KCP: variants seen among roughly 807,000 people sequenced by gnomAD.
The protein encoded by KCP is kielin cysteine rich BMP regulator.
KCP carries 194 observed loss-of-function variants against 212.7 expected under a neutral mutation model. The observed-to-expected ratio is 0.91, with a 90% CI of 0.81 to 1.03. The LOEUF is 1.03. Among genes scored for constraint, KCP ranks in the 50% least tolerant of loss-of-function variants. The pLI is 0.00. For missense variants in KCP, 2,080 were observed against 2,162.5 expected (o/e 0.96, Z 0.76); for synonymous variants, 833 against 865.3 (o/e 0.96, Z 0.65).
chr7:128,891,059 C>A lies in KCP; in HGVS notation c.2010G>T (p.Ala670=). ...AGTACTCCTGGTGGCGGGCGTGGGC[C>A]GCGCCGGGCCGTGGGCAGCCGGCGG... ...PAPAGCPRPG[A]AHARHQEYFS... Residue 670 remains alanine (A), a synonymous_variant, in exon 20 of 40, where the codon GCG becomes GCT. Transcript: ENST00000610776. 10 of 1,394,320 alleles carry A rather than the reference C, an allele frequency of 7.2e-6. No homozygotes were observed. The highest frequency in any genetic ancestry group is 9.2e-6 in the Non-Finnish European group (10 of 1,081,712). 86.4% of individuals were successfully genotyped at this position (1,394,320 alleles called of 1,614,324 possible).
Position 128,886,881 on chromosome 7 carries a change from C to T in KCP, c.2684G>A (p.Cys895Tyr). The stretch of plus-strand genomic sequence containing the variant: ...GCATGAGGAAGGCAGCTCACTGTGG[C>T]AAACAGGGCAGAAGCAGGGGCCTGG... ...PSPGPCFCPV[C>Y]HSCLSQGREH... is the part of the protein sequence containing the mutation. The change falls in exon 24 of 40, where the codon TGC (cysteine) becomes TAC (tyrosine). Residue 895 changes from cysteine (C) to tyrosine (Y), a missense_variant. By Grantham distance (194) the Cys-to-Tyr change is radical. Coordinates refer to ENST00000610776, the MANE Select transcript of KCP (RefSeq NM_001366122.1). 6.6e-7 allele frequency: 1 copy of T among 1,511,366 alleles called. No individual in the cohort carries two copies. The highest frequency in any genetic ancestry group is 9.0e-7 in the Non-Finnish European group (1 of 1,116,844). 93.6% of individuals were successfully genotyped at this position (1,511,366 alleles called of 1,614,324 possible). A position where few individuals can be genotyped will look rare whatever the true frequency, so the allele number is the denominator to read the frequency against.
At position 128,907,056 on chromosome 7, in the gene KCP, G is replaced by A. The variant is rs1029626266; in HGVS notation, c.486+45C>T. The A allele has an allele frequency of 2.4e-5, 37 of 1,523,606 alleles. No individual in the cohort carries two copies. The Admixed American group carries it at 7.4e-4, about 30-fold the overall frequency. 94.4% of individuals were successfully genotyped at this position (1,523,606 alleles called of 1,614,324 possible). ...CGCTGCAGTGACAGGTAGCTGGAGA[G>A]AGGCAGACAGGTGAGGGATATCCAG... On this transcript the variant is annotated intron_variant, in intron 4 of 39. Transcript: ENST00000610776.
chr7:128,908,255 A>AAAGAAAGAAAGAAAG (rs1795246250), intron 2 of KCP, among the ~76,000 whole-genome samples, 171 bp downstream of exon 2: 6 of 93,180 alleles, frequency 6.4e-5, no homozygotes, highest in Non-Finnish European at 1.5e-4. Context: ...AAGAAAGAAG[A>AAAGAAAGAAAGAAAG]AAGAAAGAAA....
chr7:128,904,894 G>A (rs1272127148), intron 5 of KCP, among the ~76,000 whole-genome samples: 1 of 152,254 alleles, frequency 6.6e-6, no homozygotes, highest in Non-Finnish European at 1.5e-5. Flanking sequence ...ACAGATGGAA[G>A]TAGTGTCTTG....
chr7:128,899,188 T>G (rs1276999714), intron 8 of KCP, among the ~76,000 whole-genome samples: 1 of 152,206 alleles, frequency 6.6e-6, no homozygotes. Flanking sequence ...CCTATAATGC[T>G]GATATGACTT....
intron 5 of KCP, among the ~76,000 whole-genome samples, chr7:128,905,414 C>T (rs56332811): frequency 0.13 from 19,932 of 152,170 alleles, 1,961 homozygotes; most frequent in East Asian, 0.52. Flanking sequence ...CCTCCTCTTC[C>T]TCCCAGCTCT....
intron 8 of KCP, among the ~76,000 whole-genome samples, chr7:128,896,197 A>G (rs1794510917): frequency 1.3e-5 from 2 of 152,170 alleles, no homozygotes; most frequent in African/African-American, 2.4e-5. Flanking sequence ...CCAGAAGGAA[A>G]TAGGCTGCAG....
In KCP at chr7:128,881,660, G is replaced by A. The variant is rs1793342620; in HGVS notation, c.3390C>T (p.His1130=). 1 of 1,514,744 alleles carries A rather than the reference G, an allele frequency of 6.6e-7. No homozygotes were observed. The allele number at this position is 1,514,744 out of a possible 1,614,324, so 93.8% of individuals were successfully genotyped here. A position where few individuals can be genotyped will look rare whatever the true frequency, so the allele number is the denominator to read the frequency against. The change falls in exon 31 of 40, where the codon CAC becomes CAT. Residue 1130 remains histidine (H), a synonymous_variant. Transcript: ENST00000610776. ...CGGGGCAGCAGCTCCCAGGGGGAGT[G>A]TGGCGCTCTGAGAGGGGACAGCTGA... ...PELSCPLSER[H]TPPGSCCPVC...
At chr7:128,907,073 G>A in intron 4 of KCP, 28 bp downstream of exon 4, 1 of 1,545,608 alleles carries the variant, frequency 6.5e-7, no homozygotes, top group South Asian at 1.2e-5. Flanking sequence ...ACAGGTGAGG[G>A]ATATCCAGGT....
chr7:128,877,007 C>A lies in KCP; in HGVS notation c.*36G>T. 6.5e-7 allele frequency: 1 copy of A among 1,534,602 alleles called. No individual in the cohort carries two copies. The stretch of plus-strand genomic sequence containing the variant: ...GGAACTGCTCGCCAAGGGGAGACTC[C>A]TGGCCTGATGAACCCTTATCAGGCA... On this transcript the variant is annotated 3_prime_UTR_variant, in exon 40 of 40. Coordinates refer to ENST00000610776, the MANE Select transcript of KCP (RefSeq NM_001366122.1).
At chr7:128,909,558 A>G (rs979991365) in intron 1 of KCP, among the ~76,000 whole-genome samples, 3 of 152,148 alleles carry the variant, frequency 2.0e-5, no homozygotes, top group South Asian at 2.1e-4. Context: ...CAGCTCCCCT[A>G]TTTTGTTGCC....
intron 8 of KCP, among the ~76,000 whole-genome samples, chr7:128,896,889 CAAAAAAAAAAAAA>C (rs35522047): frequency 1.7e-5 from 1 of 58,084 alleles, no homozygotes; most frequent in Non-Finnish European, 3.2e-5. Context: ...GACTCCATCT[CAAAAAAAAAAAAA>C]AAAAAAAAAA....
In KCP at chr7:128,902,784, C is replaced by G. The variant is rs182135234; in HGVS notation, c.824G>C (p.Arg275Pro). The change falls in exon 8 of 40, where the codon CGG becomes CCG. Residue 275 changes from arginine to proline, a missense_variant. By Grantham distance (103) the Arg-to-Pro change is moderately radical. Transcript: ENST00000610776. ...TTPGDPCRIC[R>P]CLEGHIQCRQ... is the part of the protein sequence containing the mutation. Reference sequence around the variant, plus strand: ...AGCAGCCTCAGGACTCACCAGGCACCGGCAGATTCGGCAGGGGTCCCCAGG... The same window carrying G: ...AGCAGCCTCAGGACTCACCAGGCACGGGCAGATTCGGCAGGGGTCCCCAGG... The G allele has an allele frequency of 2.6e-4, 405 of 1,551,462 alleles. 1 individual carries two copies. In the African/African-American group the frequency reaches 4.2e-3, roughly 16 times the overall value.
chr7:128,906,419 C>A, intron 4 of KCP, 56 bp from the exon 5 acceptor site: 1 of 1,272,182 alleles, frequency 7.9e-7, no homozygotes, highest in Middle Eastern at 2.6e-4. Context: ...AGGGCAGGGC[C>A]TCTGGAAGTA....
intron 16 of KCP, among the ~76,000 whole-genome samples, chr7:128,892,233 G>A (rs79097036): frequency 1.1e-4 from 16 of 151,330 alleles, no homozygotes; most frequent in Admixed American, 9.8e-4. Context: ...GGGGGTAGGG[G>A]GGTGGGGGCC....
intron 8 of KCP, 83 bp downstream of exon 8, chr7:128,902,694 A>G (rs576764026): frequency 7.8e-7 from 1 of 1,279,366 alleles, no homozygotes; most frequent in Non-Finnish European, 1.1e-6. Flanking sequence ...CACCTCTGCG[A>G]AGTACTCCAT....
Position 128,880,049 on chromosome 7 carries a change from G to C in KCP, c.3796C>G (p.Pro1266Ala). 1 of 1,547,476 alleles carries C rather than the reference G, an allele frequency of 6.5e-7. No individual in the cohort carries two copies. The highest frequency in any genetic ancestry group is 8.7e-7 in the Non-Finnish European group (1 of 1,146,214). ...GAAGCGGGCCGAGGCAGGCAGCGGG[G>C]GCAGCAGCTGCCAGGACTCAGGGCA... is the stretch of plus-strand genomic sequence containing the variant. ...APALSPGSCC[P>A]RCLPRPASCM... Residue 1266 changes from proline to alanine, a missense_variant, in exon 35 of 40, where the codon CCC becomes GCC. Physicochemically the swap from Pro to Ala is conservative, Grantham distance 27. Transcript: ENST00000610776.
At chr7:128,900,246 A>G (rs1171619154) in intron 8 of KCP, among the ~76,000 whole-genome samples, 1 of 152,230 alleles carries the variant, frequency 6.6e-6, no homozygotes, top group Non-Finnish European at 1.5e-5. Context: ...AGTCTTTAGT[A>G]AAAATGGGAA....
chr7:128,879,036 C>T (rs569602800), intron 37 of KCP: 18 of 419,948 alleles, frequency 4.3e-5, no homozygotes, highest in African/African-American at 3.4e-4. Flanking sequence ...TTCACTTTCT[C>T]ATGGGCATTC....
Sources: allele counts gnomAD v4.1 joint callset (sites outside exome capture counted in the v4.1 genomes callset), GRCh38; gene constraint gnomAD v4.1.1; transcripts MANE v1.5; gene names NCBI Gene and HGNC (gene_info 2026-07-23, HGNC 2026-07-21).